The following COL19A1 variants were observed in gnomAD, a reference collection of about 807,000 sequenced individuals.
COL19A1 encodes the protein collagen type XIX alpha 1 chain.
In COL19A1, 159 loss-of-function variants were observed where a neutral mutation model predicts 190.2. The observed-to-expected ratio is 0.84, with a 90% CI of 0.73 to 0.95. The LOEUF is 0.95. Ranked by LOEUF, COL19A1 falls within the 40% of genes least tolerant of loss-of-function variation. The pLI, the probability that COL19A1 is intolerant of heterozygous loss-of-function variation, is 0.00. For missense variants in COL19A1, 1,418 were observed against 1,431.9 expected, an observed-to-expected ratio of 0.99 and a Z score of 0.16; for synonymous variants, 509 against 458.9, an observed-to-expected ratio of 1.11 and a Z score of -1.39.
intron 2 of COL19A1, among the ~76,000 whole-genome samples, chr6:69,898,235 G>A (rs1260545764): frequency 2.0e-5 from 3 of 152,146 alleles, no homozygotes; most frequent in African/African-American, 7.2e-5. Context: ...AAAATTGGCT[G>A]TAATTTTGTC....
intron 10 of COL19A1, among the ~76,000 whole-genome samples, chr6:69,961,434 C>G (rs1774792532): frequency 6.6e-6 from 1 of 152,212 alleles, no homozygotes; most frequent in Non-Finnish European, 1.5e-5. Context: ...GCAGATTTAT[C>G]TGCTGGGAAA....
intron 9 of COL19A1, among the ~76,000 whole-genome samples, chr6:69,952,563 T>C (rs1052471401): frequency 1.3e-5 from 2 of 151,918 alleles, no homozygotes; most frequent in Non-Finnish European, 2.9e-5. Context: ...TCTGATAACA[T>C]GATGAGAGAG....
chr6:70,063,969 A>G (rs1261274756), intron 14 of COL19A1, among the ~76,000 whole-genome samples: 3 of 152,210 alleles, frequency 2.0e-5, no homozygotes, highest in Admixed American at 6.5e-5. Flanking sequence ...AGGCTCTGAA[A>G]TTGAGGCAAT....
intron 31 of COL19A1, among the ~76,000 whole-genome samples, chr6:70,154,736 C>T (rs369457839): frequency 3.3e-5 from 5 of 152,102 alleles, no homozygotes; most frequent in Non-Finnish European, 5.9e-5. Flanking sequence ...AGTCTGTGGC[C>T]GAAGGCCTGA....
chr6:69,919,715 T>G (rs916383332), intron 4 of COL19A1, among the ~76,000 whole-genome samples: 2 of 152,208 alleles, frequency 1.3e-5, no homozygotes, highest in African/African-American at 4.8e-5. Context: ...ACTCCATGTA[T>G]ATTACTACTA....
chr6:70,146,884 A>G lies in COL19A1; in HGVS notation c.1888A>G (p.Arg630Gly). Reference sequence around the variant, plus strand: ...CCCACAAGGGATAGGAATTCCTGGCAGAACAGTAAGTGAAATTCATTCGAG... The same window carrying G: ...CCCACAAGGGATAGGAATTCCTGGCGGAACAGTAAGTGAAATTCATTCGAG... Reference protein sequence around the residue: ...IGPQGIGIPGRTGAQGPAGEP... With the variant: ...IGPQGIGIPGGTGAQGPAGEP... The change falls in exon 27 of 51, where the codon AGA becomes GGA. Residue 630 changes from arginine to glycine, a missense_variant. Transcript: ENST00000620364. 1 of 1,573,878 alleles carries G rather than the reference A, an allele frequency of 6.4e-7. No homozygotes were observed. The highest frequency in any genetic ancestry group is 8.6e-7 in the Non-Finnish European group (1 of 1,165,356).
chr6:70,186,804 A>T (rs1339637255), intron 46 of COL19A1, among the ~76,000 whole-genome samples: 2 of 152,196 alleles, frequency 1.3e-5, no homozygotes, highest in African/African-American at 4.8e-5. Context: ...CAAACTTCAT[A>T]TCACATTTAG....
intron 2 of COL19A1, among the ~76,000 whole-genome samples, chr6:69,893,250 T>G (rs994728754): frequency 3.3e-5 from 5 of 152,238 alleles, no homozygotes; most frequent in Non-Finnish European, 7.3e-5. Context: ...AGGTTACAAT[T>G]TCTAAAGCTA....
intron 4 of COL19A1, among the ~76,000 whole-genome samples, chr6:69,926,576 A>G (rs1447672163): frequency 6.6e-6 from 1 of 152,134 alleles, no homozygotes; most frequent in East Asian, 1.9e-4. Flanking sequence ...ACTTGAAGAT[A>G]GTTCAATTAG....
At chr6:70,183,809 T>C (rs1766331537) in intron 44 of COL19A1, among the ~76,000 whole-genome samples, 1 of 152,194 alleles carries the variant, frequency 6.6e-6, no homozygotes, top group Non-Finnish European at 1.5e-5. Context: ...AAAAGTCCCT[T>C]GGGCTTTTAG....
intron 14 of COL19A1, among the ~76,000 whole-genome samples, chr6:70,057,981 A>G (rs1452094333): frequency 1.3e-5 from 2 of 152,060 alleles, no homozygotes; most frequent in Non-Finnish European, 2.9e-5. Flanking sequence ...TAAAAAATGG[A>G]AAGTCTCATA....
At chr6:70,013,579 A>G (rs1427998310) in intron 11 of COL19A1, among the ~76,000 whole-genome samples, 3 of 46,020 alleles carry the variant, frequency 6.5e-5, no homozygotes, top group Non-Finnish European at 1.0e-4. Context: ...GAATACTACA[A>G]ACACCTCTAC....
intron 16 of COL19A1, among the ~76,000 whole-genome samples, chr6:70,104,983 G>A (rs79856942): frequency 5.9e-5 from 9 of 152,106 alleles, no homozygotes; most frequent in Non-Finnish European, 1.3e-4. Context: ...ATTCAATTCC[G>A]CAGACTTTAG....
At chr6:69,966,377 C>G (rs1263709853) in intron 11 of COL19A1, among the ~76,000 whole-genome samples, 1 of 152,164 alleles carries the variant, frequency 6.6e-6, no homozygotes, top group Non-Finnish European at 1.5e-5. Context: ...GTTGCTGTGT[C>G]TGTGTAGAAA....
chr6:70,150,182 T>G, intron 30 of COL19A1, 137 bp downstream of exon 30: 1 of 880,940 alleles, frequency 1.1e-6, no homozygotes, highest in South Asian at 1.6e-5. Flanking sequence ...CCCCATTATT[T>G]TGTCGAGTGA....
chr6:70,192,061 T>TTTGG (rs1165689495), intron 48 of COL19A1, among the ~76,000 whole-genome samples: 4 of 149,192 alleles, frequency 2.7e-5, no homozygotes, highest in East Asian at 2.0e-4. Flanking sequence ...GTTGTTGTTG[T>TTTGG]TTGGTTGGTT....
chr6:70,179,949 C>G (rs1766061704), intron 42 of COL19A1, among the ~76,000 whole-genome samples: 2 of 152,132 alleles, frequency 1.3e-5, no homozygotes, highest in Non-Finnish European at 1.5e-5. Flanking sequence ...ATGTCATGAT[C>G]TCAGCTCACT....
At chr6:70,039,563 A>G (rs1267838410) in intron 14 of COL19A1, among the ~76,000 whole-genome samples, 1 of 152,218 alleles carries the variant, frequency 6.6e-6, no homozygotes, top group Non-Finnish European at 1.5e-5. Flanking sequence ...CAAAGCACAC[A>G]CAGCTGAACT....
intron 49 of COL19A1, among the ~76,000 whole-genome samples, chr6:70,202,017 A>G (rs2150308749): frequency 6.6e-6 from 1 of 152,350 alleles, no homozygotes; most frequent in South Asian, 2.1e-4. Flanking sequence ...TTTTCCAAAA[A>G]GGAAAGAAAA....
Sources: allele counts gnomAD v4.1 joint callset (sites outside exome capture counted in the v4.1 genomes callset), GRCh38; gene constraint gnomAD v4.1.1; transcripts MANE v1.5; gene names NCBI Gene and HGNC (gene_info 2026-07-23, HGNC 2026-07-21).